Variants in RFX4 observed in about 807,000 individuals in gnomAD.
The protein encoded by RFX4 is regulatory factor X4, also known as transcription factor RFX4.
Under a neutral mutation model 95.0 loss-of-function variants are expected in RFX4, and 10 were observed. The observed-to-expected ratio is 0.11, with a 90% CI of 0.06 to 0.18. RFX4 has a LOEUF of 0.18. Ranked by LOEUF, RFX4 falls within the 10% of genes least tolerant of loss-of-function variation. The pLI, the probability that RFX4 is intolerant of heterozygous loss-of-function variation, is 1.00. For missense variants in RFX4, 640 were observed against 922.0 expected (o/e 0.69, Z 3.96); for synonymous variants, 321 against 340.7 (o/e 0.94, Z 0.64).
At chr12:106,638,729 G>A (rs894589751) in intron 2 of RFX4, among the ~76,000 whole-genome samples, 2 of 152,194 alleles carry the variant, frequency 1.3e-5, no homozygotes, top group African/African-American at 4.8e-5. Flanking sequence ...TTTGGGTGTG[G>A]TGAGGGCCCA....
chr12:106,588,886 TC>T (rs2039499426), intron 1 of RFX4, among the ~76,000 whole-genome samples: 1 of 152,334 alleles, frequency 6.6e-6, no homozygotes, highest in South Asian at 2.1e-4. Flanking sequence ...AAGACTGATT[TC>T]TAAGCCAAGT....
At chr12:106,726,875 G>A (rs569177167) in intron 13 of RFX4, among the ~76,000 whole-genome samples, 13 of 152,096 alleles carry the variant, frequency 8.5e-5, no homozygotes, top group African/African-American at 2.9e-4. Context: ...GGGTTGAAGC[G>A]ATTCTCATGC....
rs192505314 is a variant in RFX4 at position 106,689,844 on chromosome 12, T to G, written c.669+480T>G. The stretch of plus-strand genomic sequence containing the variant: ...TCCATAGATTTCCATCAAATCCCAT[T>G]AGTAGGGCCATCGTTAAATACAAAC... On this transcript the variant is annotated intron_variant, in intron 7 of 17. Transcript: ENST00000392842. Among the ~76,000 whole-genome samples, 14 of 152,236 alleles carry G rather than the reference T, an allele frequency of 9.2e-5. 1 individual carries two copies. The highest frequency in any genetic ancestry group is 4.6e-4 in the Admixed American group (7 of 15,290).
chr12:106,604,146 A>G (rs1291986379), intron 1 of RFX4, among the ~76,000 whole-genome samples: 2 of 122,078 alleles, frequency 1.6e-5, no homozygotes, highest in East Asian at 4.6e-4. Context: ...TTGAGAATGG[A>G]GTCTCACTCT....
Position 106,663,533 on chromosome 12 carries a change from A to C in RFX4, c.315+9182A>C, listed in dbSNP as rs1296970143. Among the ~76,000 whole-genome samples, 4 of 151,872 alleles carry C rather than the reference A, an allele frequency of 2.6e-5. 1 individual carries two copies. Among genetic ancestry groups the C allele is most frequent in the African/African-American group, 7.2e-5 (3 of 41,404 alleles). ...AGTTTTATTTCTGCCTTCTCAATCT[A>C]CATGCATTTTATTTCCTTTTCTTGT... is the stretch of plus-strand genomic sequence containing the variant. On this transcript the variant is annotated intron_variant, in intron 4 of 17. Transcript: ENST00000392842.
intron 4 of RFX4, among the ~76,000 whole-genome samples, chr12:106,678,244 A>G (rs2041435935): frequency 6.6e-6 from 1 of 152,168 alleles, no homozygotes; most frequent in Non-Finnish European, 1.5e-5. Flanking sequence ...TCTAGAACAC[A>G]GTCGGCAACC....
intron 13 of RFX4, among the ~76,000 whole-genome samples, chr12:106,727,063 C>T (rs1695700074): frequency 6.6e-6 from 1 of 151,890 alleles, no homozygotes; most frequent in Admixed American, 6.6e-5. Flanking sequence ...TGAGTCACCA[C>T]ACCCAGCCTA....
At chr12:106,604,545 A>T (rs1018653276) in intron 1 of RFX4, among the ~76,000 whole-genome samples, 2 of 95,568 alleles carry the variant, frequency 2.1e-5, no homozygotes, top group African/African-American at 9.8e-5. Flanking sequence ...TTATGTGGTT[A>T]AAAAAAAAAA....
At chr12:106,635,925 A>G (rs12315292) in intron 2 of RFX4, among the ~76,000 whole-genome samples, 4,140 of 152,226 alleles carry the variant, frequency 0.027, 180 homozygotes, top group African/African-American at 0.094. Flanking sequence ...GTATTGTTCT[A>G]TGTGTTTAGG....
intron 10 of RFX4, among the ~76,000 whole-genome samples, chr12:106,713,515 A>T (rs2042228638): frequency 6.6e-6 from 1 of 152,204 alleles, no homozygotes; most frequent in African/African-American, 2.4e-5. Flanking sequence ...TTTAAGCTGG[A>T]GCGTACATTG....
intron 5 of RFX4, chr12:106,683,654 T>C (rs7309351): frequency 0.35 from 53,508 of 151,778 alleles, 9,506 homozygotes; most frequent in African/African-American, 0.38. Flanking sequence ...AGTGGATGGA[T>C]AGAACGATAT....
At chr12:106,714,093 C>CAAAAAAAAAAA (rs2042243817) in intron 10 of RFX4, among the ~76,000 whole-genome samples, 1 of 89,046 alleles carries the variant, frequency 1.1e-5, no homozygotes, top group African/African-American at 4.7e-5. Flanking sequence ...AAAAAAAAAG[C>CAAAAAAAAAAA]ATGTTCTAAA....
At chr12:106,688,892 A>G (rs1163673009) in intron 6 of RFX4, among the ~76,000 whole-genome samples, 1 of 152,200 alleles carries the variant, frequency 6.6e-6, no homozygotes, top group East Asian at 1.9e-4. Flanking sequence ...GGTCTCAGCC[A>G]ATGAAGAGAA....
intron 15 of RFX4, among the ~76,000 whole-genome samples, chr12:106,745,194 T>C (rs1215839608): frequency 6.6e-6 from 1 of 152,200 alleles, no homozygotes; most frequent in African/African-American, 2.4e-5. Flanking sequence ...TCGAATCTTT[T>C]ATATTGCTAT....
intron 6 of RFX4, among the ~76,000 whole-genome samples, chr12:106,688,971 A>G (rs1364580856): frequency 6.6e-6 from 1 of 152,204 alleles, no homozygotes; most frequent in Non-Finnish European, 1.5e-5. Flanking sequence ...CATGAGCATG[A>G]ATAAGATACC....
At chr12:106,724,798 G>T (rs1391438600) in intron 13 of RFX4, among the ~76,000 whole-genome samples, 1 of 152,238 alleles carries the variant, frequency 6.6e-6, no homozygotes, top group Middle Eastern at 3.4e-3. Context: ...GATTCCCTGA[G>T]GTCAGGAGTT....
intron 17 of RFX4, among the ~76,000 whole-genome samples, chr12:106,760,196 G>C (rs1050966552): frequency 2.0e-5 from 3 of 152,118 alleles, no homozygotes; most frequent in Non-Finnish European, 4.4e-5. Context: ...CATCCTTGTT[G>C]ATTGGCTCCT....
At chr12:106,721,851 T>G (rs1416604248) in intron 13 of RFX4, among the ~76,000 whole-genome samples, 2 of 152,246 alleles carry the variant, frequency 1.3e-5, no homozygotes, top group East Asian at 3.8e-4. Context: ...TAGCTTTTTA[T>G]GGTCTTGTCA....
intron 6 of RFX4, among the ~76,000 whole-genome samples, chr12:106,688,625 AATAG>A (rs2041715559): frequency 6.6e-6 from 1 of 152,232 alleles, no homozygotes; most frequent in Non-Finnish European, 1.5e-5. Flanking sequence ...AAATCTAAGA[AATAG>A]ATAAATATTT....
Sources: allele counts gnomAD v4.1 joint callset (sites outside exome capture counted in the v4.1 genomes callset), GRCh38; gene constraint gnomAD v4.1.1; transcripts MANE v1.5; gene names NCBI Gene and HGNC (gene_info 2026-07-23, HGNC 2026-07-21).